Variants in IKZF1 observed in about 807,000 individuals in gnomAD.
The protein encoded by IKZF1 is DNA-binding protein Ikaros.
IKZF1 carries 10 observed loss-of-function variants against 51.7 expected under a neutral mutation model. That is an observed-to-expected ratio of 0.19 (90% CI 0.12 to 0.33). The LOEUF (loss-of-function observed/expected upper bound fraction) is 0.33, where lower values mean the gene tolerates loss of function less well. Ranked by LOEUF, IKZF1 falls within the 10% of genes least tolerant of loss-of-function variation. IKZF1 has a pLI of 1.00. For missense variants in IKZF1, 484 were observed against 707.5 expected (o/e 0.68, Z 3.58); for synonymous variants, 280 against 282.3 (o/e 0.99, Z 0.08).
rs985054663 is a variant in IKZF1, at chr7:50,340,414, G to A, written c.160+12657G>A. Among the ~76,000 whole-genome samples the A allele has an allele frequency of 2.4e-4, 36 of 152,296 alleles. 1 individual carries two copies. In the East Asian group the frequency reaches 4.1e-3, roughly 17 times the overall value. ...GATTCTGGTGAAGCCCTGAACATCC[G>A]GTGTCACTCCTCACCAGGCTGGGTG... On this transcript the variant is annotated intron_variant, in intron 3 of 7. Coordinates refer to ENST00000331340, the MANE Select transcript of IKZF1 (RefSeq NM_006060.6).
chr7:50,376,397 C>G lies in IKZF1; in HGVS notation c.161-136C>G, dbSNP rs2153467215. On this transcript the variant is annotated intron_variant, in intron 3 of 7. Transcript: ENST00000331340. The surrounding 1 kb of genome is among the most constrained non-coding windows in gnomAD (Gnocchi z 4.5). ...GAATGCACGGCGAGCTCAGGCTGCT[C>G]TCCCCTTGGTATTTGCTAAGAACTT... The G allele has an allele frequency of 7.0e-7, 1 of 1,423,072 alleles. No individual in the cohort carries two copies. The highest frequency in any genetic ancestry group is 9.4e-7 in the Non-Finnish European group (1 of 1,059,536). The allele number at this position is 1,423,072 out of a possible 1,614,324, so 88.2% of individuals were successfully genotyped here. A position where few individuals can be genotyped will look rare whatever the true frequency, so the allele number is the denominator to read the frequency against.
rs540527258 is a variant in IKZF1, at chr7:50,394,170, T to G, written c.850+2307T>G. ...ACATAGTAGGAACAGTGGACGAGGGTAGCAGAAGAGGAGTTTGGAGCAAAA... is the reference window on the plus strand; with the variant it reads ...ACATAGTAGGAACAGTGGACGAGGGGAGCAGAAGAGGAGTTTGGAGCAAAA... On this transcript the variant is annotated intron_variant, in intron 7 of 7. Transcript: ENST00000331340. 2.1e-4 allele frequency: 50 copies of G among 232,814 alleles called. 1 individual carries two copies. The South Asian group carries it at 8.3e-3, about 39-fold the overall frequency. 14.4% of individuals were successfully genotyped at this position (232,814 alleles called of 1,614,324 possible). A position where few individuals can be genotyped will look rare whatever the true frequency, so the allele number is the denominator to read the frequency against.
intron 7 of IKZF1, among the ~76,000 whole-genome samples, chr7:50,393,407 G>A (rs535158973): frequency 4.6e-5 from 7 of 152,292 alleles, no homozygotes; most frequent in African/African-American, 1.2e-4. Flanking sequence ...GTCCCAGAGG[G>A]CACCTGTTGA....
intron 3 of IKZF1, among the ~76,000 whole-genome samples, chr7:50,360,483 A>C (rs1804873342): frequency 6.6e-6 from 1 of 152,200 alleles, no homozygotes; most frequent in Admixed American, 6.5e-5. Flanking sequence ...CACATACAAT[A>C]ACCCCATTTC....
chr7:50,307,970 G>A (rs1789214412), intron 1 of IKZF1, among the ~76,000 whole-genome samples: 1 of 152,126 alleles, frequency 6.6e-6, no homozygotes, highest in African/African-American at 2.4e-5. Flanking sequence ...TGGCTTTCTT[G>A]TATTTCTTTG....
At chr7:50,329,120 T>G (rs2153388820) in intron 3 of IKZF1, among the ~76,000 whole-genome samples, 1 of 151,144 alleles carries the variant, frequency 6.6e-6, no homozygotes, top group East Asian at 1.9e-4. Flanking sequence ...ATTTTGTATG[T>G]TTTTTATGTG....
chr7:50,360,244 A>T (rs1804797271), intron 3 of IKZF1, among the ~76,000 whole-genome samples: 1 of 151,894 alleles, frequency 6.6e-6, no homozygotes, highest in South Asian at 2.1e-4. Context: ...GGCTTCTGGA[A>T]TCTTTGAGGC....
intron 3 of IKZF1, among the ~76,000 whole-genome samples, chr7:50,356,861 C>G (rs780561667): frequency 1.6e-4 from 25 of 152,012 alleles, no homozygotes; most frequent in Non-Finnish European, 3.4e-4. Flanking sequence ...TCCTGGAGAC[C>G]AGGGTGGGAC....
intron 3 of IKZF1, among the ~76,000 whole-genome samples, chr7:50,363,903 C>T (rs1395299613): frequency 6.6e-6 from 1 of 152,166 alleles, no homozygotes; most frequent in Admixed American, 6.5e-5. Flanking sequence ...TCAGGAAGCC[C>T]TGCCATGAAA....
At position 50,310,182 on chromosome 7, in the gene IKZF1, C is replaced by A. The variant is rs544038157; in HGVS notation, c.-15+5260C>A. Among the ~76,000 whole-genome samples the A allele has an allele frequency of 8.5e-5, 13 of 152,240 alleles. No homozygotes were observed. The East Asian group carries it at 1.9e-3, about 23-fold the overall frequency. ...TGGTAGGAAGTTGTGAGTACTTTTG[C>A]AGTATGAGTGTTTTCCCGCTTTAGT... On this transcript the variant is annotated intron_variant, in intron 1 of 7. Coordinates refer to ENST00000331340, the MANE Select transcript of IKZF1 (RefSeq NM_006060.6).
At chr7:50,347,733 T>A (rs190548456) in intron 3 of IKZF1, among the ~76,000 whole-genome samples, 2 of 152,300 alleles carry the variant, frequency 1.3e-5, no homozygotes, top group East Asian at 3.9e-4. Context: ...TGGAGCTCAG[T>A]TTACATGTTT....
At chr7:50,332,142 A>G (rs1309691692) in intron 3 of IKZF1, among the ~76,000 whole-genome samples, 2 of 152,058 alleles carry the variant, frequency 1.3e-5, no homozygotes, top group Non-Finnish European at 1.5e-5. Flanking sequence ...ATGAATTGAG[A>G]CTTGTTCTGA....
At chr7:50,337,710 T>C (rs1057491472) in intron 3 of IKZF1, among the ~76,000 whole-genome samples, 9 of 152,188 alleles carry the variant, frequency 5.9e-5, no homozygotes, top group Non-Finnish European at 1.0e-4. Context: ...GAGAGAACTT[T>C]CAAAGTGAGA....
chr7:50,315,477 A>G (rs1791312231), intron 1 of IKZF1, among the ~76,000 whole-genome samples: 1 of 152,222 alleles, frequency 6.6e-6, no homozygotes, highest in Non-Finnish European at 1.5e-5. Context: ...TTATCTCTGC[A>G]TCTATTTCCC....
At chr7:50,361,767 C>G (rs1301045098) in intron 3 of IKZF1, among the ~76,000 whole-genome samples, 1 of 151,906 alleles carries the variant, frequency 6.6e-6, no homozygotes, top group Non-Finnish European at 1.5e-5. Flanking sequence ...TCCCAGCTAC[C>G]CGGGAGGCTG....
chr7:50,307,329 T>A (rs544431915), intron 1 of IKZF1, among the ~76,000 whole-genome samples: 3 of 152,192 alleles, frequency 2.0e-5, no homozygotes, highest in African/African-American at 7.2e-5. Context: ...TGTTGGTTCT[T>A]GTCATATTCT....
At chr7:50,387,513 C>T (rs150440917) in intron 6 of IKZF1, 43 bp downstream of exon 6, 9 of 1,570,600 alleles carry the variant, frequency 5.7e-6, no homozygotes, top group African/African-American at 2.7e-5. Flanking sequence ...GGCTCTCCCC[C>T]CAGCACGGTG....
chr7:50,376,822 T>A lies in IKZF1; in HGVS notation c.421+29T>A, dbSNP rs1810413522. On this transcript the variant is annotated intron_variant, in intron 4 of 7. Coordinates refer to ENST00000331340, the MANE Select transcript of IKZF1 (RefSeq NM_006060.6). This position sits in a 1 kb window ranked among gnomAD's most constrained non-coding sequence, Gnocchi z 4.5. ...AGGCCTGGCTCAGTTTTTCCTTTAGTGGCCTGGAGAAGGTGCATGGGGTTT... is the reference window on the plus strand; with the variant it reads ...AGGCCTGGCTCAGTTTTTCCTTTAGAGGCCTGGAGAAGGTGCATGGGGTTT... 1 of 1,610,466 alleles carries A rather than the reference T, an allele frequency of 6.2e-7. No homozygotes were observed. The highest frequency in any genetic ancestry group is 2.2e-5 in the East Asian group (1 of 44,824).
chr7:50,367,320 G>A (rs537568628), intron 3 of IKZF1, among the ~76,000 whole-genome samples: 3 of 152,080 alleles, frequency 2.0e-5, no homozygotes, highest in Non-Finnish European at 4.4e-5. Context: ...TTGTGCGTGT[G>A]TGTGTGTGTG....
Sources: gnomAD v4.1 joint callset for allele counts (sites outside exome capture counted in the v4.1 genomes callset) on GRCh38, gnomAD v4.1.1 for gene constraint, Gnocchi (gnomAD v3.1) non-coding constraint, MANE v1.5 for transcripts, NCBI Gene and HGNC (gene_info 2026-07-23, HGNC 2026-07-21) for gene names.